TEX261: variants seen among roughly 807,000 people sequenced by gnomAD.
TEX261 encodes testis expressed 261.
Under a neutral mutation model 25.1 loss-of-function variants are expected in TEX261, and 13 were observed. The ratio of observed to expected loss-of-function variants is 0.52; its 90% CI spans 0.34 to 0.82. The LOEUF is 0.82. Among genes scored for constraint, TEX261 ranks in the 40% least tolerant of loss-of-function variants. TEX261 has a pLI of 0.02. For synonymous variants in TEX261, 92 were observed against 97.8 expected (o/e 0.94, Z 0.35); for missense variants, 206 against 243.2 (o/e 0.85, Z 1.02).
rs1553425193 is a variant in TEX261, at chr2:70,988,597, G to T, written c.*3C>A. 4 of 1,605,646 alleles carry T rather than the reference G, an allele frequency of 2.5e-6. No individual in the cohort carries two copies. Among genetic ancestry groups the T allele is most frequent in the Non-Finnish European group, 8.5e-7 (1 of 1,172,218 alleles). On this transcript the variant is annotated 3_prime_UTR_variant, in exon 6 of 6. Transcript: ENST00000272438. The stretch of plus-strand genomic sequence containing the variant: ...TGCCCCCCACATCCTGCCTGCATGG[G>T]GGTCAGTATATCTTCTGACGACTGG...
intron 3 of TEX261, 137 bp downstream of exon 3, chr2:70,991,693 C>T (rs1276402702): frequency 1.3e-5 from 14 of 1,044,732 alleles, no homozygotes; most frequent in Admixed American, 2.5e-5. Context: ...CAGTAAGAAC[C>T]GCATCTTCCC....
At chr2:70,990,490 C>CATTTATAAAA (rs1558693192) in intron 3 of TEX261, among the ~76,000 whole-genome samples, 1 of 152,100 alleles carries the variant, frequency 6.6e-6, no homozygotes, top group Non-Finnish European at 1.5e-5. Context: ...AAAGAGGGCA[C>CATTTATAAAA]GTGTGCATAT....
intron 3 of TEX261, 114 bp from the exon 4 acceptor site, chr2:70,989,930 T>C (rs1558692953): frequency 4.0e-6 from 3 of 752,604 alleles, no homozygotes; most frequent in Non-Finnish European, 7.1e-6. Context: ...GGCCTGACTT[T>C]ACACTCAACT....
chr2:70,988,544 A>G lies in TEX261; in HGVS notation c.*56T>C. On this transcript the variant is annotated 3_prime_UTR_variant, in exon 6 of 6. Coordinates refer to ENST00000272438, the MANE Select transcript of TEX261 (RefSeq NM_144582.3). ...GACTTCTGGTCCCCACCTGGCATAGAGGCCCAGGGGCCTGACTCTCCTGAT... is the reference window on the plus strand; with the variant it reads ...GACTTCTGGTCCCCACCTGGCATAGGGGCCCAGGGGCCTGACTCTCCTGAT... The G allele has an allele frequency of 7.1e-7, 1 of 1,403,040 alleles. No individual in the cohort carries two copies. Among genetic ancestry groups the G allele is most frequent in the Non-Finnish European group, 1.0e-6 (1 of 989,388 alleles). 86.9% of individuals were successfully genotyped at this position (1,403,040 alleles called of 1,614,324 possible). A position where few individuals can be genotyped will look rare whatever the true frequency, so the allele number is the denominator to read the frequency against.
At chr2:70,993,392 G>A (rs1553425848) in intron 2 of TEX261, among the ~76,000 whole-genome samples, 3 of 152,224 alleles carry the variant, frequency 2.0e-5, no homozygotes, top group Non-Finnish European at 2.9e-5. Flanking sequence ...TAAAGACAGC[G>A]GGAGAGAGCT....
At chr2:70,993,607 C>G in intron 2 of TEX261, 89 bp downstream of exon 2, 2 of 1,053,268 alleles carry the variant, frequency 1.9e-6, no homozygotes, top group Non-Finnish European at 3.0e-6. Context: ...AGACACAGGC[C>G]TCATCATCCA....
chr2:70,992,505 A>G, intron 2 of TEX261, among the ~76,000 whole-genome samples: 1 of 152,170 alleles, frequency 6.6e-6, no homozygotes, highest in Admixed American at 6.5e-5. Context: ...CAAGGCAGGC[A>G]GATCACCTGA....
intron 2 of TEX261, among the ~76,000 whole-genome samples, chr2:70,992,297 T>C (rs1670317645): frequency 6.6e-6 from 1 of 152,166 alleles, no homozygotes; most frequent in African/African-American, 2.4e-5. Context: ...CTAATTTTTG[T>C]GTCTTTAGTA....
chr2:70,993,584 C>T lies in TEX261; in HGVS notation c.150+112G>A, dbSNP rs1670345945. 6 of 885,940 alleles carry T rather than the reference C, an allele frequency of 6.8e-6. No individual in the cohort carries two copies. The Admixed American group carries it at 1.1e-4, about 16-fold the overall frequency. 54.9% of individuals were successfully genotyped at this position (885,940 alleles called of 1,614,324 possible). On this transcript the variant is annotated intron_variant, in intron 2 of 5. Coordinates refer to ENST00000272438, the MANE Select transcript of TEX261 (RefSeq NM_144582.3). Reference sequence around the variant, plus strand: ...GGGCAAGGAGGTAAGAGTGTATGCTCAGGAAACAGCAGAGACACAGGCCTC... The same window carrying T: ...GGGCAAGGAGGTAAGAGTGTATGCTTAGGAAACAGCAGAGACACAGGCCTC...
Position 70,994,779 on chromosome 2 carries a change from C to A in TEX261, c.-22G>T. ...ACATGGCGCCCCCACCCGCCCGCTCCCCGGCCACCGGGACGGGCCTGCGCG... is the reference window on the plus strand; with the variant it reads ...ACATGGCGCCCCCACCCGCCCGCTCACCGGCCACCGGGACGGGCCTGCGCG... On this transcript the variant is annotated 5_prime_UTR_variant, in exon 1 of 6. Coordinates refer to ENST00000272438, the MANE Select transcript of TEX261 (RefSeq NM_144582.3). The A allele has an allele frequency of 6.4e-7, 1 of 1,573,544 alleles. No individual in the cohort carries two copies. Among genetic ancestry groups the A allele is most frequent in the East Asian group, 2.4e-5 (1 of 41,446 alleles).
rs182222087 is a variant in TEX261 at position 70,992,688 on chromosome 2, C to T, written c.151-705G>A. Among the ~76,000 whole-genome samples the T allele has an allele frequency of 2.7e-5, 4 of 150,808 alleles. No individual in the cohort carries two copies. The East Asian group carries it at 7.9e-4, about 30-fold the overall frequency. On this transcript the variant is annotated intron_variant, in intron 2 of 5. Coordinates refer to ENST00000272438, the MANE Select transcript of TEX261 (RefSeq NM_144582.3). ...AGGTTGCGGTGAGCTGAGATTGTGCCACTGCACTCCAGCCTGGGTAATAAG... is the reference window on the plus strand; with the variant it reads ...AGGTTGCGGTGAGCTGAGATTGTGCTACTGCACTCCAGCCTGGGTAATAAG...
chr2:70,993,804 A>T, intron 1 of TEX261, 29 bp from the exon 2 acceptor site: 1 of 1,582,296 alleles, frequency 6.3e-7, no homozygotes, highest in Non-Finnish European at 8.7e-7. Context: ...GGAGACTATC[A>T]GCCAGGGTCA....
rs1671074022 is a variant in TEX261 at position 70,987,775 on chromosome 2, G to A, written c.*825C>T. ...CCAGAAACCACTCCTTTTCCCAGAG[G>A]AAGATTTATAAATAGGATATTGTAG... On this transcript the variant is annotated 3_prime_UTR_variant, in exon 6 of 6. Transcript: ENST00000272438. The A allele has an allele frequency of 6.6e-6, 1 of 152,208 alleles. No homozygotes were observed. The highest frequency in any genetic ancestry group is 2.4e-5 in the African/African-American group (1 of 41,442). 9.4% of individuals were successfully genotyped at this position (152,208 alleles called of 1,614,324 possible).
At chr2:70,994,133 A>G (rs909363580) in intron 1 of TEX261, among the ~76,000 whole-genome samples, 16 of 152,206 alleles carry the variant, frequency 1.1e-4, no homozygotes, top group Admixed American at 2.6e-4. Context: ...TCCTTCCCTG[A>G]CCCAGCTTGG....
intron 1 of TEX261, 98 bp downstream of exon 1, chr2:70,994,590 T>A: frequency 6.7e-7 from 1 of 1,501,204 alleles, no homozygotes. Flanking sequence ...CGCCGGGCAG[T>A]GGTCCCCCGA....
chr2:70,987,250 T>G lies in TEX261; in HGVS notation c.*1350A>C, dbSNP rs1359206036. The G allele has an allele frequency of 1.3e-5, 2 of 152,154 alleles. No homozygotes were observed. The highest frequency in any genetic ancestry group is 6.5e-5 in the Admixed American group (1 of 15,280). 9.4% of individuals were successfully genotyped at this position (152,154 alleles called of 1,614,324 possible). On this transcript the variant is annotated 3_prime_UTR_variant, in exon 6 of 6. Coordinates refer to ENST00000272438, the MANE Select transcript of TEX261 (RefSeq NM_144582.3). ...CGTTCACACTAAGAGGAGACCAACATGTGCTCTTCCTCTCAGGGAAAGGGG... is the reference window on the plus strand; with the variant it reads ...CGTTCACACTAAGAGGAGACCAACAGGTGCTCTTCCTCTCAGGGAAAGGGG...
At chr2:70,989,704 C>T (rs1056985364) in intron 4 of TEX261, 45 bp downstream of exon 4, 16 of 1,314,444 alleles carry the variant, frequency 1.2e-5, no homozygotes, top group Non-Finnish European at 1.8e-5. Flanking sequence ...TTCCCTTTTA[C>T]TACCCTGTCC....
At position 70,986,253 on chromosome 2, in the gene TEX261, T is replaced by G. The variant is rs972265761; in HGVS notation, c.*2347A>C. Reference sequence around the variant, plus strand: ...TGGCAATGGAGAGCCACTGCATCTCTGGATACAGGAGGCTGGGACCCAGAA... The same window carrying G: ...TGGCAATGGAGAGCCACTGCATCTCGGGATACAGGAGGCTGGGACCCAGAA... On this transcript the variant is annotated 3_prime_UTR_variant, in exon 6 of 6. Transcript: ENST00000272438. The G allele has an allele frequency of 6.6e-6, 1 of 152,604 alleles. No homozygotes were observed. The highest frequency in any genetic ancestry group is 1.5e-5 in the Non-Finnish European group (1 of 68,056). The allele number at this position is 152,604 out of a possible 1,614,324, so 9.5% of individuals were successfully genotyped here. A position where few individuals can be genotyped will look rare whatever the true frequency, so the allele number is the denominator to read the frequency against.
intron 2 of TEX261, among the ~76,000 whole-genome samples, chr2:70,993,388 C>T (rs955240895): frequency 6.6e-6 from 1 of 152,232 alleles, no homozygotes; most frequent in Admixed American, 6.5e-5. Context: ...GGGCTAAAGA[C>T]AGCGGGAGAG....
Sources: allele counts gnomAD v4.1 joint callset (sites outside exome capture counted in the v4.1 genomes callset), GRCh38; gene constraint gnomAD v4.1.1; transcripts MANE v1.5; gene names NCBI Gene and HGNC (gene_info 2026-07-23, HGNC 2026-07-21).